Variants in PAXBP1 observed in about 807,000 individuals in gnomAD.
The protein encoded by PAXBP1 is PAX3 and PAX7 binding protein 1, also known as PAX3- and PAX7-binding protein 1.
A neutral mutation model predicts 119.9 loss-of-function variants in PAXBP1; 44 were observed. That is an observed-to-expected ratio of 0.37 (90% CI 0.29 to 0.47). The LOEUF is 0.47. Ranked by LOEUF, PAXBP1 falls within the 20% of genes least tolerant of loss-of-function variation. The pLI, the probability that PAXBP1 is intolerant of heterozygous loss-of-function variation, is 0.99. For synonymous variants in PAXBP1, 393 were observed against 406.6 expected, an observed-to-expected ratio of 0.97 and a Z score of 0.40; for missense variants, 898 against 1,134.1, an observed-to-expected ratio of 0.79 and a Z score of 2.99.
intron 15 of PAXBP1, 66 bp downstream of exon 15, chr21:32,743,180 ACT>A: frequency 8.4e-7 from 1 of 1,185,830 alleles, no homozygotes; most frequent in Non-Finnish European, 1.2e-6. Flanking sequence ...AAAACAAAAC[ACT>A]CTAAAAAATG....
chr21:32,739,683 G>C (rs2043747581), intron 15 of PAXBP1, among the ~76,000 whole-genome samples: 1 of 151,850 alleles, frequency 6.6e-6, no homozygotes, highest in Non-Finnish European at 1.5e-5. Context: ...GAGGCGGGCA[G>C]ATCACGAGGT....
intron 15 of PAXBP1, chr21:32,742,745 T>C (rs2043806401): frequency 7.3e-6 from 2 of 274,730 alleles, no homozygotes; most frequent in African/African-American, 4.5e-5. Context: ...ATAACATATT[T>C]TGAGAGAGAA....
chr21:32,769,813 C>T lies in PAXBP1; in HGVS notation c.472+1G>A. 1 of 1,601,276 alleles carries T rather than the reference C, an allele frequency of 6.2e-7. No individual in the cohort carries two copies. Among genetic ancestry groups the T allele is most frequent in the Non-Finnish European group, 8.5e-7 (1 of 1,177,022 alleles). On this transcript the variant is annotated splice_donor_variant, in intron 2 of 17. Transcript: ENST00000331923. LOFTEE classifies it high-confidence loss of function. ...AAGAATTCAATTAGTTTGGTACTTACTTTCAGCTGATGAGTTGAGTTCTGT... is the reference window on the plus strand; with the variant it reads ...AAGAATTCAATTAGTTTGGTACTTATTTTCAGCTGATGAGTTGAGTTCTGT...
intron 13 of PAXBP1, among the ~76,000 whole-genome samples, chr21:32,744,378 A>C (rs1012295622): frequency 1.3e-5 from 2 of 152,052 alleles, no homozygotes; most frequent in African/African-American, 4.8e-5. Flanking sequence ...CCTGGGCCAC[A>C]TGTCCATGGG....
chr21:32,743,380 G>T, intron 14 of PAXBP1, 66 bp from the exon 15 acceptor site: 1 of 1,093,528 alleles, frequency 9.1e-7, no homozygotes, highest in Non-Finnish European at 1.3e-6. Context: ...TATGATTCCT[G>T]GACAAAAGAT....
At chr21:32,755,104 C>T (rs2044022394) in intron 8 of PAXBP1, 126 bp downstream of exon 8, 5 of 1,147,578 alleles carry the variant, frequency 4.4e-6, no homozygotes, top group Non-Finnish European at 4.6e-6. Context: ...CTACCTGACA[C>T]AACAGCAAGG....
At chr21:32,769,024 T>C (rs773065735) in intron 2 of PAXBP1, among the ~76,000 whole-genome samples, 2 of 152,202 alleles carry the variant, frequency 1.3e-5, no homozygotes, top group Admixed American at 6.5e-5. Flanking sequence ...ATTGAACATT[T>C]TGCCAAACAC....
At chr21:32,755,667 T>A (rs2146499626) in intron 7 of PAXBP1, 1 of 196,158 alleles carries the variant, frequency 5.1e-6, no homozygotes, top group East Asian at 1.3e-4. Flanking sequence ...CCTTAGAGAA[T>A]ATTTAAGTAC....
chr21:32,736,089 C>CT (rs1165574651), intron 17 of PAXBP1, among the ~76,000 whole-genome samples: 1 of 152,038 alleles, frequency 6.6e-6, no homozygotes, highest in Non-Finnish European at 1.5e-5. Context: ...GTAGAAAACA[C>CT]AGAGAAAAAA....
In PAXBP1 at chr21:32,762,127, CTT is replaced by C; in HGVS notation, c.838_839del (p.Lys280ValfsTer8). 1 of 1,614,152 alleles carries C rather than the reference CTT, an allele frequency of 6.2e-7. No homozygotes were observed. Among genetic ancestry groups the C allele is most frequent in the Non-Finnish European group, 8.5e-7 (1 of 1,180,030 alleles). ...CCTCAGCAATTTTTTGTCTTTGTGA[CTT>C]TTCTTTCACAGAAAAAACTATCCGG... is the stretch of plus-strand genomic sequence containing the variant. ...KRRIVFSVKE[K>X]SQRQKIAEEI... On this transcript the variant is annotated frameshift_variant, in exon 4 of 18. Transcript: ENST00000331923. LOFTEE classifies it high-confidence loss of function.
chr21:32,770,340 C>G (rs989680559), intron 1 of PAXBP1, among the ~76,000 whole-genome samples: 1 of 152,134 alleles, frequency 6.6e-6, no homozygotes, highest in African/African-American at 2.4e-5. Context: ...ACATCCACCA[C>G]AAGCTGACAT....
chr21:32,747,199 G>A (rs886985935), intron 11 of PAXBP1, among the ~76,000 whole-genome samples: 1 of 152,090 alleles, frequency 6.6e-6, no homozygotes, highest in Non-Finnish European at 1.5e-5. Flanking sequence ...GTTTACCTAT[G>A]TAACAAATCT....
At chr21:32,744,260 T>TAAAAA (rs762993580) in intron 13 of PAXBP1, among the ~76,000 whole-genome samples, 4 of 57,586 alleles carry the variant, frequency 6.9e-5, no homozygotes, top group Non-Finnish European at 1.0e-4. Flanking sequence ...GCTGATGAGC[T>TAAAAA]AAAAAAAAAA....
chr21:32,739,938 TAAAAAAAAAAAA>T (rs756477858), intron 15 of PAXBP1, among the ~76,000 whole-genome samples: 51 of 47,042 alleles, frequency 1.1e-3, no homozygotes, highest in African/African-American at 2.7e-3. Flanking sequence ...CTCGTCTCTT[TAAAAAAAAAAAA>T]AAAAAAAAAA....
chr21:32,761,563 A>G (rs1010250336), intron 4 of PAXBP1, among the ~76,000 whole-genome samples: 2 of 152,268 alleles, frequency 1.3e-5, no homozygotes, highest in African/African-American at 4.8e-5. Context: ...AAAAATTCCA[A>G]TAAAACACTT....
chr21:32,766,408 C>T (rs1429607439), intron 2 of PAXBP1, among the ~76,000 whole-genome samples: 1 of 152,108 alleles, frequency 6.6e-6, no homozygotes, highest in Admixed American at 6.5e-5. Context: ...TCCACTCATG[C>T]CTTCAATTTC....
intron 2 of PAXBP1, 114 bp downstream of exon 2, chr21:32,769,700 G>T (rs565244965): frequency 4.0e-6 from 4 of 1,001,130 alleles, no homozygotes; most frequent in African/African-American, 3.3e-5. Context: ...CTCAATAAGG[G>T]CCCTTGACAA....
chr21:32,764,860 A>G (rs773856318), intron 2 of PAXBP1, among the ~76,000 whole-genome samples: 1 of 152,224 alleles, frequency 6.6e-6, no homozygotes, highest in Non-Finnish European at 1.5e-5. Context: ...TTTTTCTGCT[A>G]AACTCCCACA....
At chr21:32,739,196 T>G (rs1435871171) in intron 15 of PAXBP1, among the ~76,000 whole-genome samples, 1 of 152,222 alleles carries the variant, frequency 6.6e-6, no homozygotes, top group Non-Finnish European at 1.5e-5. Flanking sequence ...CTGTTACAGA[T>G]GCAGGGGAAA....
Sources: gnomAD v4.1 joint callset for allele counts (sites outside exome capture counted in the v4.1 genomes callset) on GRCh38, gnomAD v4.1.1 for gene constraint, MANE v1.5 for transcripts, NCBI Gene and HGNC (gene_info 2026-07-23, HGNC 2026-07-21) for gene names.